The following SGSM1 variants were observed in gnomAD, a reference collection of about 807,000 sequenced individuals.
The protein encoded by SGSM1 is small G protein signaling modulator 1.
A neutral mutation model predicts 133.8 loss-of-function variants in SGSM1; 73 were observed. The ratio of observed to expected loss-of-function variants is 0.55; its 90% confidence interval spans 0.45 to 0.66. The LOEUF (loss-of-function observed/expected upper bound fraction) is 0.66. Ranked by LOEUF, SGSM1 falls within the 30% of genes least tolerant of loss-of-function variation. The pLI is 0.00. For synonymous variants in SGSM1, 563 were observed against 573.0 expected (o/e 0.98, Z 0.25); for missense variants, 1,213 against 1,448.1 (o/e 0.84, Z 2.64).
intron 13 of SGSM1, among the ~76,000 whole-genome samples, chr22:24,877,476 A>G (rs1334017828): frequency 6.6e-6 from 1 of 152,090 alleles, no homozygotes; most frequent in African/African-American, 2.4e-5. Context: ...CAGCCAATTC[A>G]TGAGACTGAT....
intron 2 of SGSM1, among the ~76,000 whole-genome samples, chr22:24,826,882 G>A (rs1337145543): frequency 6.6e-6 from 1 of 152,120 alleles, no homozygotes; most frequent in Non-Finnish European, 1.5e-5. Context: ...GCCCTATGAG[G>A]TGATGCAGGT....
intron 13 of SGSM1, among the ~76,000 whole-genome samples, chr22:24,877,853 C>T (rs768622155): frequency 7.1e-6 from 1 of 141,036 alleles, no homozygotes; most frequent in Non-Finnish European, 1.5e-5. Context: ...TTCTGTCGCC[C>T]AGGCTGGAGT....
chr22:24,893,572 C>A lies in SGSM1; in HGVS notation c.1912C>A (p.Leu638Met). ...ATCCGGGGCCAGCTTGGACAGCCACCTGCACCGGATGTTGCACAGGGACTC... is the reference window on the plus strand; with the variant it reads ...ATCCGGGGCCAGCTTGGACAGCCACATGCACCGGATGTTGCACAGGGACTC... ...CSSGASLDSHLHRMLHRDSTI... is the reference protein window; with the variant it reads ...CSSGASLDSHMHRMLHRDSTI... Residue 638 changes from leucine (L) to methionine (M), a missense_variant, in exon 17 of 25, where the codon CTG becomes ATG. Leu to Met is a conservative substitution (Grantham distance 15, BLOSUM62 2). Transcript: ENST00000400358. The A allele has an allele frequency of 1.3e-6, 2 of 1,595,678 alleles. No individual in the cohort carries two copies. Among genetic ancestry groups the A allele is most frequent in the Admixed American group, 1.7e-5 (1 of 57,836 alleles).
At chr22:24,850,769 G>C (rs983566118) in intron 5 of SGSM1, among the ~76,000 whole-genome samples, 1 of 152,226 alleles carries the variant, frequency 6.6e-6, no homozygotes, top group Non-Finnish European at 1.5e-5. Flanking sequence ...CCAGAGAAGT[G>C]AGAAGGGAAT....
rs781229551 is a variant in SGSM1, at chr22:24,886,706, T to C, written c.1748T>C (p.Met583Thr). 27 of 1,583,354 alleles carry C rather than the reference T, an allele frequency of 1.7e-5. No individual in the cohort carries two copies. Among genetic ancestry groups the C allele is most frequent in the Non-Finnish European group, 2.3e-5 (27 of 1,165,154 alleles). ...PFLLGHYQFGMTETERKEVDE... is the reference protein window; with the variant it reads ...PFLLGHYQFGTTETERKEVDE... ...CTCCTGGGCCACTACCAGTTCGGGA[T>C]GACGGAAACAGAAAGGAAAGAGGTC... Residue 583 changes from methionine to threonine, a missense_variant, in exon 16 of 25, where the codon ATG becomes ACG. By Grantham distance (81) the Met-to-Thr change is moderately conservative. Transcript: ENST00000400358.
chr22:24,897,748 C>T (rs1030123582), intron 18 of SGSM1, among the ~76,000 whole-genome samples: 19 of 152,208 alleles, frequency 1.2e-4, no homozygotes, highest in Admixed American at 6.5e-5. Flanking sequence ...GGATTGCAGG[C>T]GTGAGCCACC....
At chr22:24,822,384 G>C (rs563630015) in intron 2 of SGSM1, among the ~76,000 whole-genome samples, 8 of 152,026 alleles carry the variant, frequency 5.3e-5, no homozygotes, top group African/African-American at 1.9e-4. Flanking sequence ...GAGCCACCGC[G>C]CCTGGTCTCA....
At chr22:24,872,490 TAA>T (rs554512814) in intron 12 of SGSM1, among the ~76,000 whole-genome samples, 9 of 148,322 alleles carry the variant, frequency 6.1e-5, no homozygotes, top group African/African-American at 2.2e-4. Context: ...GAGACTTTGT[TAA>T]AAAAAAAAGT....
At chr22:24,899,044 AAAAC>A (rs1933027545) in intron 19 of SGSM1, among the ~76,000 whole-genome samples, 1 of 151,120 alleles carries the variant, frequency 6.6e-6, no homozygotes, top group East Asian at 1.9e-4. Context: ...AAAAAAAAAA[AAAAC>A]GTGTACAGTG....
In SGSM1 at chr22:24,924,232, G is replaced by T; in HGVS notation, c.3240G>T (p.Arg1080=). 1 of 1,613,954 alleles carries T rather than the reference G, an allele frequency of 6.2e-7. No homozygotes were observed. Among genetic ancestry groups the T allele is most frequent in the South Asian group, 1.1e-5 (1 of 91,070 alleles). Residue 1080 remains arginine (R), a synonymous_variant, in exon 25 of 25, where the codon CGG becomes CGT. Coordinates refer to ENST00000400358, the MANE Select transcript of SGSM1 (RefSeq NM_001098497.3). ...HNTKQVLKLA[R]DLVYKVQTLI... ...CCAAGCAAGTCCTGAAGCTGGCGCGGGACCTCGTGTACAAGGTGCAGACTC... is the reference window on the plus strand; with the variant it reads ...CCAAGCAAGTCCTGAAGCTGGCGCGTGACCTCGTGTACAAGGTGCAGACTC...
chr22:24,877,640 G>A (rs1190944238), intron 13 of SGSM1, among the ~76,000 whole-genome samples: 1 of 151,842 alleles, frequency 6.6e-6, no homozygotes, highest in African/African-American at 2.4e-5. Flanking sequence ...CAATCCCCTG[G>A]TTCCTCAGGG....
chr22:24,886,805 T>C, intron 16 of SGSM1, 77 bp downstream of exon 16: 1 of 1,482,338 alleles, frequency 6.7e-7, no homozygotes, highest in Non-Finnish European at 9.0e-7. Context: ...GAGTGCTGGT[T>C]CCACGCTGGA....
chr22:24,921,493 T>G (rs1457502722), intron 24 of SGSM1, among the ~76,000 whole-genome samples: 1 of 152,186 alleles, frequency 6.6e-6, no homozygotes, highest in African/African-American at 2.4e-5. Context: ...TATTTTCAGT[T>G]TGAAGGTGTG....
rs1282268985 is a variant in SGSM1, at chr22:24,897,988, A to C, written c.2039A>C (p.Asp680Ala). 1 of 1,602,088 alleles carries C rather than the reference A, an allele frequency of 6.2e-7. No homozygotes were observed. The highest frequency in any genetic ancestry group is 8.5e-7 in the Non-Finnish European group (1 of 1,174,284). Residue 680 changes from aspartate (D) to alanine (A), a missense_variant, in exon 19 of 25, where the codon GAT (aspartate) becomes GCT (alanine). Transcript: ENST00000400358. ...SSSTQVFESV[D>A]EVEQVEAEGR... is the part of the protein sequence containing the mutation. ...TGTCCTCAGGTGTTTGAGTCTGTGG[A>C]TGAGGTGGAGCAGGTGGAGGCTGAA...
rs750587757 is a variant in SGSM1, at chr22:24,855,355, C to T, written c.594C>T (p.Asp198=). ...ACTTCTGGACCGATCCCTCGGCTGA[C>T]GAACTTGTCCAGAGGCACCGCATCC... is the stretch of plus-strand genomic sequence containing the variant. ...ADHFWTDPSA[D]ELVQRHRIHS... is the part of the protein sequence containing the mutation. The change falls in exon 7 of 25, where the codon GAC becomes GAT. Residue 198 remains aspartate, a synonymous_variant. Coordinates refer to ENST00000400358, the MANE Select transcript of SGSM1 (RefSeq NM_001098497.3). 1.2e-6 allele frequency: 2 copies of T among 1,613,432 alleles called. No homozygotes were observed. Among genetic ancestry groups the T allele is most frequent in the South Asian group, 1.1e-5 (1 of 90,976 alleles).
Position 24,895,274 on chromosome 22 carries a change from T to A in SGSM1, c.2005T>A (p.Ser669Thr). ...CCAGAACATCCGCCTGCACAGCGAC[T>A]CCAGCAGCAGCACACAGGTGACCTT... ...GRQNIRLHSDSSSSTQVFESV... is the reference protein window; with the variant it reads ...GRQNIRLHSDTSSSTQVFESV... Residue 669 changes from serine (S) to threonine (T), a missense_variant, in exon 18 of 25, where the codon TCC becomes ACC. Coordinates refer to ENST00000400358, the MANE Select transcript of SGSM1 (RefSeq NM_001098497.3). The A allele has an allele frequency of 1.9e-6, 3 of 1,611,928 alleles. No individual in the cohort carries two copies. The highest frequency in any genetic ancestry group is 2.5e-6 in the Non-Finnish European group (3 of 1,179,160).
chr22:24,812,487 T>G (rs553341560), intron 2 of SGSM1, among the ~76,000 whole-genome samples: 1 of 152,084 alleles, frequency 6.6e-6, no homozygotes, highest in Non-Finnish European at 1.5e-5. Flanking sequence ...TGGGCAGTGG[T>G]GGGCAGCTAT....
chr22:24,877,812 T>C (rs1048301812), intron 13 of SGSM1, among the ~76,000 whole-genome samples: 4 of 136,488 alleles, frequency 2.9e-5, no homozygotes, highest in African/African-American at 1.1e-4. Context: ...CTTTTTTTTT[T>C]TTTTTTTTTT....
In SGSM1 at chr22:24,859,713, C is replaced by T. The variant is rs2147860122; in HGVS notation, c.802-3C>T. 7 of 1,613,750 alleles carry T rather than the reference C, an allele frequency of 4.3e-6. No homozygotes were observed. On this transcript the variant is annotated splice_polypyrimidine_tract_variant and splice_region_variant and intron_variant, in intron 8 of 24. Coordinates refer to ENST00000400358, the MANE Select transcript of SGSM1 (RefSeq NM_001098497.3). ...CCAGACCTGAGTCCTCCTCTCTCTG[C>T]AGAGGGACGACATGGAGGCTGTGCC...
Sources: allele counts gnomAD v4.1 joint callset (sites outside exome capture counted in the v4.1 genomes callset), GRCh38; gene constraint gnomAD v4.1.1; transcripts MANE v1.5; gene names NCBI Gene and HGNC (gene_info 2026-07-23, HGNC 2026-07-21).